TMEM50B: variants seen among roughly 807,000 people sequenced by gnomAD.
TMEM50B encodes HCV p7-trans-regulated protein 3.
TMEM50B carries 14 observed loss-of-function variants against 23.4 expected under a neutral mutation model. The observed-to-expected ratio is 0.60, with a 90% CI of 0.39 to 0.93. TMEM50B has a LOEUF of 0.93. Ranked by LOEUF, TMEM50B falls within the 40% of genes least tolerant of loss-of-function variation. The pLI, the probability that TMEM50B is intolerant of heterozygous loss-of-function variation, is 0.00. For synonymous variants in TMEM50B, 64 were observed against 62.3 expected (o/e 1.03, Z -0.13); for missense variants, 159 against 193.0 (o/e 0.82, Z 1.04).
intron 4 of TMEM50B, 51 bp from the exon 5 acceptor site, chr21:33,460,556 C>T (rs1032177747): frequency 1.7e-5 from 19 of 1,137,030 alleles, no homozygotes; most frequent in Non-Finnish European, 2.0e-5. Context: ...AGCTCTGTAA[C>T]GTCTTAGGAA....
Position 33,468,770 on chromosome 21 carries a change from C to T in TMEM50B, c.99+17G>A, listed in dbSNP as rs756820613. On this transcript the variant is annotated intron_variant, in intron 2 of 6. Coordinates refer to ENST00000542230, the MANE Select transcript of TMEM50B (RefSeq NM_006134.7). ...AAGGTAAGGGATACATGTCACCAACCAGTCTTTCTCACTTACCAATATACC... is the reference window on the plus strand; with the variant it reads ...AAGGTAAGGGATACATGTCACCAACTAGTCTTTCTCACTTACCAATATACC... 4 of 1,601,316 alleles carry T rather than the reference C, an allele frequency of 2.5e-6. No individual in the cohort carries two copies. Among genetic ancestry groups the T allele is most frequent in the Middle Eastern group, 1.6e-4 (1 of 6,066 alleles).
downstream of TMEM50B, among the ~76,000 whole-genome samples, chr21:33,448,600 C>T (rs750120837): frequency 4.6e-5 from 7 of 152,260 alleles, no homozygotes; most frequent in South Asian, 6.2e-4. Context: ...CTTGCCTCAG[C>T]CTCCCAAGTA....
At position 33,479,934 on chromosome 21, in the gene TMEM50B, C is replaced by G. The variant is rs1483881259; in HGVS notation, c.-138G>C. ...CCGGCGTCCCGCGGCTCCACCTCAGCCCCGGGAGCCCGGAGCTGGGAGCAG... is the reference window on the plus strand; with the variant it reads ...CCGGCGTCCCGCGGCTCCACCTCAGGCCCGGGAGCCCGGAGCTGGGAGCAG... On this transcript the variant is annotated 5_prime_UTR_variant, in exon 1 of 7. Coordinates refer to ENST00000542230, the MANE Select transcript of TMEM50B (RefSeq NM_006134.7). The G allele has an allele frequency of 6.6e-6, 1 of 152,250 alleles. No individual in the cohort carries two copies. Among genetic ancestry groups the G allele is most frequent in the Non-Finnish European group, 1.5e-5 (1 of 68,066 alleles). The allele number at this position is 152,250 out of a possible 1,614,324, so 9.4% of individuals were successfully genotyped here.
chr21:33,451,836 G>C (rs1353577306), intron 6 of TMEM50B, among the ~76,000 whole-genome samples: 1 of 94,558 alleles, frequency 1.1e-5, no homozygotes, highest in African/African-American at 7.4e-5. Context: ...GTTTCTTAAG[G>C]CCAAGAACAG....
chr21:33,457,034 C>T (rs1003067542), intron 5 of TMEM50B, among the ~76,000 whole-genome samples: 1 of 152,050 alleles, frequency 6.6e-6, no homozygotes, highest in Non-Finnish European at 1.5e-5. Flanking sequence ...GCGGGTAGAT[C>T]ACTTGAGGTC....
At chr21:33,477,830 T>C (rs373229375) in intron 1 of TMEM50B, among the ~76,000 whole-genome samples, 7 of 148,054 alleles carry the variant, frequency 4.7e-5, no homozygotes, top group Non-Finnish European at 1.0e-4. Flanking sequence ...TATATATATA[T>C]ACATAAGTTA....
At chr21:33,469,448 A>AAAAT (rs889349895) in intron 1 of TMEM50B, 1 of 152,328 alleles carries the variant, frequency 6.6e-6, no homozygotes, top group African/African-American at 2.4e-5. Context: ...ACTCTGTCCA[A>AAAAT]AAATAAATAA....
intron 1 of TMEM50B, among the ~76,000 whole-genome samples, chr21:33,474,799 AAAATAAAT>A (rs1316110912): frequency 6.7e-5 from 6 of 89,378 alleles, no homozygotes; most frequent in Non-Finnish European, 1.2e-4. Flanking sequence ...AATAAAAATA[AAAATAAAT>A]AAATAAATAA....
intron 4 of TMEM50B, among the ~76,000 whole-genome samples, chr21:33,464,198 A>ATT (rs34153471): frequency 1.6e-3 from 222 of 140,346 alleles, no homozygotes; most frequent in Non-Finnish European, 1.9e-3. Flanking sequence ...TATAATGTAA[A>ATT]TTTTTTTTTT....
chr21:33,473,211 GGAGACT>G (rs957551251), intron 1 of TMEM50B, among the ~76,000 whole-genome samples: 1 of 152,046 alleles, frequency 6.6e-6, no homozygotes, highest in African/African-American at 2.4e-5. Flanking sequence ...CCAACACTTT[GGAGACT>G]GAGGTGGGCA....
chr21:33,463,467 C>A (rs7278056), intron 4 of TMEM50B, among the ~76,000 whole-genome samples: 1 of 151,786 alleles, frequency 6.6e-6, no homozygotes, highest in East Asian at 1.9e-4. Context: ...GTAGTGGCCA[C>A]GAGGTGAGGG....
chr21:33,441,766 AC>A (rs796122412), intron 7 of TMEM50B, among the ~76,000 whole-genome samples: 105 of 152,186 alleles, frequency 6.9e-4, no homozygotes, highest in African/African-American at 2.4e-3. Flanking sequence ...AGTAGCTGGG[AC>A]TACAGGCATC....
chr21:33,445,778 C>A (rs1327476106), downstream of TMEM50B, among the ~76,000 whole-genome samples: 1 of 151,436 alleles, frequency 6.6e-6, no homozygotes, highest in African/African-American at 2.4e-5. Flanking sequence ...CAGAGTGAGA[C>A]TCTGTCTCAA....
chr21:33,477,562 T>G (rs2084384839), intron 1 of TMEM50B, among the ~76,000 whole-genome samples: 1 of 151,654 alleles, frequency 6.6e-6, no homozygotes, highest in African/African-American at 2.4e-5. Context: ...ACGGGCTAGG[T>G]ACGGTGGCTC....
intron 7 of TMEM50B, among the ~76,000 whole-genome samples, chr21:33,440,113 C>T (rs1359672229): frequency 6.6e-6 from 1 of 152,176 alleles, no homozygotes. Context: ...TATAAATAAT[C>T]CGTTGACAGG....
Position 33,467,045 on chromosome 21 carries a change from G to T in TMEM50B, c.177C>A (p.His59Gln), listed in dbSNP as rs762009276. 8.7e-6 allele frequency: 14 copies of T among 1,614,014 alleles called. No individual in the cohort carries two copies. In the Admixed American group the frequency reaches 1.5e-4, roughly 17 times the overall value. The change falls in exon 3 of 7, where the codon CAC (histidine) becomes CAA (glutamine). Residue 59 changes from histidine to glutamine, a missense_variant. By Grantham distance (24) the His-to-Gln change is conservative (BLOSUM62 0). Transcript: ENST00000542230. ...CCAATGTGGAAAATACACCACATGT[G>T]TGAAAGGCATGGTTCAACTGTTCTG... ...PKPEQLNHAF[H>Q]TCGVFSTLAF...
In TMEM50B at chr21:33,450,827, T is replaced by C. The variant is rs1436796531; in HGVS notation, c.468A>G (p.Leu156=). The C allele has an allele frequency of 1.1e-5, 18 of 1,612,968 alleles. No homozygotes were observed. The highest frequency in any genetic ancestry group is 2.7e-5 in the African/African-American group (2 of 74,882). Residue 156 remains leucine, a synonymous_variant, in exon 7 of 7, where the codon CTA becomes CTG. Coordinates refer to ENST00000542230, the MANE Select transcript of TMEM50B (RefSeq NM_006134.7). ...GACTTAAGAAGTGATCTCAGGTCCA[T>C]AGCTCTTCGGTTCTTCCAAATTTGT... ...LIYKFGRTEE[L]WT is the part of the protein sequence containing the mutation.
At chr21:33,442,208 TC>T (rs1039272806) in intron 7 of TMEM50B, among the ~76,000 whole-genome samples, 3 of 152,056 alleles carry the variant, frequency 2.0e-5, no homozygotes, top group Non-Finnish European at 4.4e-5. Flanking sequence ...CCCAGCAGCT[TC>T]CGGAGATGCA....
At chr21:33,472,916 T>C (rs1003961172) in intron 1 of TMEM50B, among the ~76,000 whole-genome samples, 2 of 148,828 alleles carry the variant, frequency 1.3e-5, no homozygotes, top group African/African-American at 2.5e-5. Flanking sequence ...TCAAATTTGG[T>C]GAAAAATATT....
Sources: gnomAD v4.1 joint callset for allele counts (sites outside exome capture counted in the v4.1 genomes callset) on GRCh38, gnomAD v4.1.1 for gene constraint, MANE v1.5 for transcripts, NCBI Gene and HGNC (gene_info 2026-07-23, HGNC 2026-07-21) for gene names.